RGS6: variants seen among roughly 807,000 people sequenced by gnomAD.
The protein encoded by RGS6 is regulator of G-protein signaling 6.
A neutral mutation model predicts 78.5 loss-of-function variants in RGS6; 30 were observed. That is an observed-to-expected ratio of 0.38 (90% CI 0.29 to 0.52). The LOEUF is 0.52. Ranked by LOEUF, RGS6 falls within the 20% of genes least tolerant of loss-of-function variation. The pLI is 0.85. For missense variants in RGS6, 495 were observed against 609.7 expected (o/e 0.81, Z 1.98); for synonymous variants, 206 against 206.0 (o/e 1.00, Z 0.00).
At chr14:72,554,642 A>G (rs1370690879) in intron 17 of RGS6, among the ~76,000 whole-genome samples, 2 of 152,158 alleles carry the variant, frequency 1.3e-5, no homozygotes, top group Non-Finnish European at 2.9e-5. Flanking sequence ...GAGAGGCCTT[A>G]CAGGCAGAAT....
intron 2 of RGS6, among the ~76,000 whole-genome samples, chr14:72,176,358 G>A (rs2097105078): frequency 6.6e-6 from 1 of 152,204 alleles, no homozygotes; most frequent in Non-Finnish European, 1.5e-5. Context: ...AGGGGGAAAT[G>A]GGATTTTGCT....
At chr14:72,166,465 G>A (rs931964696) in intron 2 of RGS6, among the ~76,000 whole-genome samples, 2 of 152,096 alleles carry the variant, frequency 1.3e-5, no homozygotes, top group Non-Finnish European at 2.9e-5. Context: ...AAGAAAATAG[G>A]GAACTGTGTT....
At chr14:72,183,918 A>G (rs1044053481) in intron 2 of RGS6, among the ~76,000 whole-genome samples, 1 of 152,132 alleles carries the variant, frequency 6.6e-6, no homozygotes, top group African/African-American at 2.4e-5. Flanking sequence ...CAGGGTAAAT[A>G]TTCTAGATGA....
intron 2 of RGS6, among the ~76,000 whole-genome samples, chr14:72,224,337 G>C (rs575076242): frequency 1.1e-4 from 17 of 152,094 alleles, no homozygotes; most frequent in Non-Finnish European, 2.4e-4. Context: ...AGGATGGCTT[G>C]AGCCCTGGAG....
At chr14:72,597,799 A>T in the RGS6 span, among the ~76,000 whole-genome samples, 2 of 152,028 alleles carry the variant, frequency 1.3e-5, no homozygotes, top group Admixed American at 1.3e-4. Flanking sequence ...TTCATTTTTC[A>T]CTATGTGCAC....
chr14:72,113,049 A>G (rs945193374), intron 2 of RGS6, among the ~76,000 whole-genome samples: 1 of 151,822 alleles, frequency 6.6e-6, no homozygotes, highest in African/African-American at 2.4e-5. Context: ...TTCCTCTGCC[A>G]GGCTTCCTAC....
intron 2 of RGS6, among the ~76,000 whole-genome samples, chr14:72,240,398 G>A (rs2052470689): frequency 6.6e-6 from 1 of 152,156 alleles, no homozygotes; most frequent in Non-Finnish European, 1.5e-5. Context: ...TATCAGAAGT[G>A]AGTTTCATTT....
chr14:71,870,615 T>C, the RGS6 span, among the ~76,000 whole-genome samples: 1 of 152,210 alleles, frequency 6.6e-6, no homozygotes, highest in African/African-American at 2.4e-5. Context: ...ACACCAAGGC[T>C]AGGAAAAGTT....
chr14:72,328,495 A>G (rs545331317), intron 2 of RGS6, among the ~76,000 whole-genome samples: 4 of 152,220 alleles, frequency 2.6e-5, no homozygotes, highest in Non-Finnish European at 4.4e-5. Flanking sequence ...AGATGAAACA[A>G]TGGCCCAAAT....
chr14:72,171,238 G>T (rs1429190212), intron 2 of RGS6, among the ~76,000 whole-genome samples: 1 of 151,902 alleles, frequency 6.6e-6, no homozygotes, highest in African/African-American at 2.4e-5. Flanking sequence ...ACACACACAA[G>T]AGGCACATGT....
the RGS6 span, among the ~76,000 whole-genome samples, chr14:72,606,961 T>C: frequency 6.6e-6 from 1 of 152,210 alleles, no homozygotes; most frequent in Non-Finnish European, 1.5e-5. Flanking sequence ...GTTGGTGCCA[T>C]GCTTCTTGTA....
intron 2 of RGS6, among the ~76,000 whole-genome samples, chr14:72,013,291 A>AC (rs2086228685): frequency 6.6e-6 from 1 of 151,006 alleles, no homozygotes; most frequent in African/African-American, 2.4e-5. Context: ...AAAAAAAAAA[A>AC]AAACAACAAC....
the RGS6 span, among the ~76,000 whole-genome samples, chr14:72,589,496 G>A: frequency 0.39 from 59,631 of 152,100 alleles, 12,217 homozygotes; most frequent in East Asian, 0.76. Context: ...GTTGCAGTGA[G>A]CTGAGATAGC....
At chr14:72,179,095 C>G (rs763413032) in intron 2 of RGS6, among the ~76,000 whole-genome samples, 1 of 152,196 alleles carries the variant, frequency 6.6e-6, no homozygotes, top group Non-Finnish European at 1.5e-5. Context: ...CCAAGATTTT[C>G]TCTGGAAAAG....
Position 72,232,547 on chromosome 14 carries a change from C to T in RGS6, c.85-119548C>T, listed in dbSNP as rs184500393. Among the ~76,000 whole-genome samples the T allele has an allele frequency of 6.4e-3, 972 of 152,344 alleles. 12 individuals carry two copies. Among genetic ancestry groups the T allele is most frequent in the Middle Eastern group, 0.031 (9 of 294 alleles). On this transcript the variant is annotated intron_variant, in intron 2 of 17. Transcript: ENST00000553525. ...ATAGTTTATGTAAGAATGAAGATAA[C>T]TCTCTTGCCTCCATCCTTATGTCAC...
chr14:72,418,411 C>T (rs1290120693), intron 3 of RGS6, among the ~76,000 whole-genome samples: 1 of 152,188 alleles, frequency 6.6e-6, no homozygotes, highest in African/African-American at 2.4e-5. Context: ...AAGCAATCCA[C>T]TTACCTTGGC....
At chr14:72,286,105 T>C (rs1232411836) in intron 2 of RGS6, among the ~76,000 whole-genome samples, 1 of 152,186 alleles carries the variant, frequency 6.6e-6, no homozygotes, top group Non-Finnish European at 1.5e-5. Context: ...TATCATAAAG[T>C]TTTGCCCCAT....
At chr14:72,602,925 C>A in the RGS6 span, among the ~76,000 whole-genome samples, 1 of 151,796 alleles carries the variant, frequency 6.6e-6, no homozygotes, top group Non-Finnish European at 1.5e-5. Flanking sequence ...GAACAAGGAT[C>A]ACTGAGGAAG....
rs754854305 is a variant in RGS6 at position 72,510,322 on chromosome 14, A to G, written c.1091+43A>G. ...TGAGCTGTGTGCGGAATGTGTGTGA[A>G]GAAATTTGCATAATCGGTCTCTCCA... On this transcript the variant is annotated intron_variant, in intron 14 of 17. Coordinates refer to ENST00000553525, the MANE Select transcript of RGS6 (RefSeq NM_001204424.2). 9.9e-6 allele frequency: 16 copies of G among 1,612,460 alleles called. No individual in the cohort carries two copies. The Admixed American group carries it at 2.7e-4, about 27-fold the overall frequency.
Sources: gnomAD v4.1 joint callset for allele counts (sites outside exome capture counted in the v4.1 genomes callset) on GRCh38, gnomAD v4.1.1 for gene constraint, MANE v1.5 for transcripts, NCBI Gene and HGNC (gene_info 2026-07-23, HGNC 2026-07-21) for gene names.